Variants in NR3C2 observed in about 807,000 individuals in gnomAD.
NR3C2 encodes mineralocorticoid receptor.
A neutral mutation model predicts 86.4 loss-of-function variants in NR3C2; 15 were observed. That is an observed-to-expected ratio of 0.17 (90% confidence interval 0.12 to 0.27). NR3C2 has a LOEUF of 0.27. Among genes scored for constraint, NR3C2 ranks in the 10% least tolerant of loss-of-function variants. The pLI is 1.00. For synonymous variants in NR3C2, 458 were observed against 450.5 expected, an observed-to-expected ratio of 1.02 and a Z score of -0.21; for missense variants, 960 against 1,195.6, an observed-to-expected ratio of 0.80 and a Z score of 2.91.
At chr4:148,308,760 C>T (rs896901178) in intron 2 of NR3C2, among the ~76,000 whole-genome samples, 1 of 152,100 alleles carries the variant, frequency 6.6e-6, no homozygotes, top group Non-Finnish European at 1.5e-5. Flanking sequence ...CCAAGATGGG[C>T]GGCTTGCTCG....
At chr4:148,402,279 A>C (rs1748209120) in intron 2 of NR3C2, among the ~76,000 whole-genome samples, 1 of 152,220 alleles carries the variant, frequency 6.6e-6, no homozygotes, top group Non-Finnish European at 1.5e-5. Flanking sequence ...ACTAGGAAAA[A>C]CTGGAAGTAG....
chr4:148,433,222 A>G (rs1366861407), intron 2 of NR3C2, among the ~76,000 whole-genome samples: 1 of 152,208 alleles, frequency 6.6e-6, no homozygotes, highest in Non-Finnish European at 1.5e-5. Flanking sequence ...TAGAACAAAC[A>G]TAAGAGACAA....
chr4:148,329,177 C>T (rs893687456), intron 2 of NR3C2, among the ~76,000 whole-genome samples: 2 of 152,060 alleles, frequency 1.3e-5, no homozygotes, highest in Non-Finnish European at 2.9e-5. Context: ...TGGTGATATC[C>T]CTCAACCCCC....
intron 4 of NR3C2, among the ~76,000 whole-genome samples, chr4:148,167,210 C>T (rs1345405552): frequency 6.6e-6 from 1 of 152,166 alleles, no homozygotes; most frequent in East Asian, 1.9e-4. Context: ...CACAAGGTGG[C>T]CCATGGCTGT....
At chr4:148,204,341 A>T (rs1736892643) in intron 3 of NR3C2, among the ~76,000 whole-genome samples, 1 of 152,190 alleles carries the variant, frequency 6.6e-6, no homozygotes, top group Non-Finnish European at 1.5e-5. Flanking sequence ...GCTGCACTTC[A>T]CTATGCAAAA....
intron 2 of NR3C2, among the ~76,000 whole-genome samples, chr4:148,391,257 A>C (rs1285774428): frequency 1.3e-5 from 2 of 152,216 alleles, no homozygotes; most frequent in Admixed American, 1.3e-4. Context: ...TGAGTAACAC[A>C]AACGGTTTTC....
chr4:148,217,395 T>C (rs1358852220), intron 3 of NR3C2, among the ~76,000 whole-genome samples: 1 of 152,220 alleles, frequency 6.6e-6, no homozygotes, highest in Non-Finnish European at 1.5e-5. Context: ...GATCCCCACC[T>C]GGTACTTACA....
chr4:148,226,732 C>A (rs1738188017), intron 3 of NR3C2, among the ~76,000 whole-genome samples: 1 of 152,102 alleles, frequency 6.6e-6, no homozygotes, highest in Non-Finnish European at 1.5e-5. Context: ...TAATTCACAT[C>A]CTTTCCAATA....
chr4:148,200,567 G>C (rs1430342669), intron 3 of NR3C2, among the ~76,000 whole-genome samples: 10 of 152,116 alleles, frequency 6.6e-5, no homozygotes, highest in Admixed American at 6.5e-4. Context: ...GGATCTCTTG[G>C]TTAAACTTCT....
chr4:148,173,126 G>T (rs1314529467), intron 4 of NR3C2, among the ~76,000 whole-genome samples: 3 of 152,166 alleles, frequency 2.0e-5, no homozygotes, highest in African/African-American at 7.2e-5. Flanking sequence ...TGGAAGGGAG[G>T]GATGGTGTCA....
chr4:148,336,098 G>C (rs566176745), intron 2 of NR3C2, among the ~76,000 whole-genome samples: 3 of 152,282 alleles, frequency 2.0e-5, no homozygotes, highest in Admixed American at 2.0e-4. Context: ...GAGTCAGAGA[G>C]AGCCGTCCCT....
At chr4:148,330,041 A>G (rs1040177054) in intron 2 of NR3C2, among the ~76,000 whole-genome samples, 2 of 152,180 alleles carry the variant, frequency 1.3e-5, no homozygotes, top group African/African-American at 4.8e-5. Flanking sequence ...TATTTTGGAG[A>G]TAAGTACTTA....
intron 2 of NR3C2, among the ~76,000 whole-genome samples, chr4:148,296,044 CAA>C (rs529710200): frequency 2.2e-4 from 16 of 73,932 alleles, no homozygotes; most frequent in African/African-American, 6.5e-4. Context: ...GAGCTGAGGC[CAA>C]AAAAAAAAAA....
intron 2 of NR3C2, among the ~76,000 whole-genome samples, chr4:148,375,964 A>G (rs61763765): frequency 0.011 from 1,699 of 152,296 alleles, 18 homozygotes; most frequent in South Asian, 0.019. Flanking sequence ...CACCAATACA[A>G]AATCAATTTT....
At chr4:148,280,450 T>C (rs900796573) in intron 2 of NR3C2, among the ~76,000 whole-genome samples, 1 of 152,164 alleles carries the variant, frequency 6.6e-6, no homozygotes, top group Non-Finnish European at 1.5e-5. Context: ...ATAACAAGAA[T>C]GGGAGTTTTC....
Position 148,284,354 on chromosome 4 carries a change from G to T in NR3C2, c.1758-24237C>A, listed in dbSNP as rs573886719. Among the ~76,000 whole-genome samples, 6 of 152,182 alleles carry T rather than the reference G, an allele frequency of 3.9e-5. No individual in the cohort carries two copies. The East Asian group carries it at 5.8e-4, about 15-fold the overall frequency. Reference sequence around the variant, plus strand: ...AATTTTTGAGTCTCCAGCAAAAGGGGTATCATATATTAATACTCAACACAC... The same window carrying T: ...AATTTTTGAGTCTCCAGCAAAAGGGTTATCATATATTAATACTCAACACAC... On this transcript the variant is annotated intron_variant, in intron 2 of 8. Transcript: ENST00000358102.
At chr4:148,346,304 T>C (rs534266028) in intron 2 of NR3C2, among the ~76,000 whole-genome samples, 107 of 152,172 alleles carry the variant, frequency 7.0e-4, no homozygotes, top group African/African-American at 2.5e-3. Context: ...ATAGCCCAGA[T>C]AGAAAACGGT....
intron 6 of NR3C2, among the ~76,000 whole-genome samples, chr4:148,145,731 T>C (rs1453862742): frequency 6.6e-6 from 1 of 152,178 alleles, no homozygotes; most frequent in Non-Finnish European, 1.5e-5. Flanking sequence ...CTCTAGCTAC[T>C]GGTGCGAGGC....
At chr4:148,237,552 A>C (rs35504492) in intron 3 of NR3C2, among the ~76,000 whole-genome samples, 1 of 152,072 alleles carries the variant, frequency 6.6e-6, no homozygotes, top group Non-Finnish European at 1.5e-5. Flanking sequence ...CACTTTAGTA[A>C]AGAGATTATG....
Sources: gnomAD v4.1 joint callset for allele counts (sites outside exome capture counted in the v4.1 genomes callset) on GRCh38, gnomAD v4.1.1 for gene constraint, MANE v1.5 for transcripts, NCBI Gene and HGNC (gene_info 2026-07-23, HGNC 2026-07-21) for gene names.